PTPRK: variants seen among roughly 807,000 people sequenced by gnomAD.
PTPRK encodes protein tyrosine phosphatase receptor type K.
In PTPRK, 75 loss-of-function variants were observed where a neutral mutation model predicts 178.0. The observed-to-expected ratio is 0.42, with a 90% CI of 0.35 to 0.51. PTPRK has a LOEUF of 0.51. Ranked by LOEUF, PTPRK falls within the 20% of genes least tolerant of loss-of-function variation. The pLI is 0.02. For missense variants in PTPRK, 1,441 were observed against 1,797.8 expected (o/e 0.80, Z 3.59); for synonymous variants, 637 against 620.6 (o/e 1.03, Z -0.39).
At chr6:127,974,607 C>T (rs1351952115) in intron 27 of PTPRK, among the ~76,000 whole-genome samples, 1 of 152,168 alleles carries the variant, frequency 6.6e-6, no homozygotes, top group African/African-American at 2.4e-5. Flanking sequence ...CAACTAATTT[C>T]TATTGATTCA....
intron 1 of PTPRK, among the ~76,000 whole-genome samples, chr6:128,508,038 T>C (rs551464896): frequency 1.2e-3 from 184 of 152,276 alleles, no homozygotes; most frequent in African/African-American, 4.3e-3. Flanking sequence ...GGAATTATCC[T>C]AGGCAAGTTC....
intron 1 of PTPRK, among the ~76,000 whole-genome samples, chr6:128,495,020 T>A (rs1249536978): frequency 1.3e-5 from 2 of 152,226 alleles, no homozygotes; most frequent in African/African-American, 2.4e-5. Context: ...GACAAACCAC[T>A]AAAGAAAATA....
intron 7 of PTPRK, 96 bp downstream of exon 7, chr6:128,184,336 T>C: frequency 8.4e-7 from 1 of 1,185,214 alleles, no homozygotes; most frequent in South Asian, 1.5e-5. Flanking sequence ...GACTATATCA[T>C]ATATCAAATA....
chr6:128,341,986 C>A (rs1831724383), intron 2 of PTPRK, among the ~76,000 whole-genome samples: 1 of 152,190 alleles, frequency 6.6e-6, no homozygotes, highest in African/African-American at 2.4e-5. Context: ...GTCGCAGTGG[C>A]TCACGCCTGT....
chr6:128,002,582 T>C (rs527662399), intron 15 of PTPRK, among the ~76,000 whole-genome samples: 3 of 152,074 alleles, frequency 2.0e-5, no homozygotes, highest in Non-Finnish European at 4.4e-5. Flanking sequence ...TCATTAGTAA[T>C]AGCATTGTCT....
chr6:128,321,900 C>G, intron 3 of PTPRK, 139 bp downstream of exon 3: 1 of 1,088,748 alleles, frequency 9.2e-7, no homozygotes, highest in South Asian at 1.3e-5. Flanking sequence ...CTATGTATGA[C>G]ACTTCCCCAA....
At chr6:128,289,992 G>A (rs1348918740) in intron 3 of PTPRK, among the ~76,000 whole-genome samples, 2 of 152,082 alleles carry the variant, frequency 1.3e-5, no homozygotes, top group East Asian at 1.9e-4. Context: ...CTTGATTTGT[G>A]AAGCAGTAAC....
chr6:128,053,679 C>A (rs1779433648), intron 13 of PTPRK, among the ~76,000 whole-genome samples: 1 of 152,176 alleles, frequency 6.6e-6, no homozygotes, highest in Non-Finnish European at 1.5e-5. Context: ...GTGCCACCCA[C>A]CGTCCCCATG....
chr6:128,033,238 CT>C (rs1451975985), intron 13 of PTPRK, among the ~76,000 whole-genome samples: 1 of 152,128 alleles, frequency 6.6e-6, no homozygotes, highest in Non-Finnish European at 1.5e-5. Context: ...CAGAACTAAG[CT>C]TTTAATTTGA....
At chr6:128,127,291 C>T (rs546650287) in intron 7 of PTPRK, among the ~76,000 whole-genome samples, 2 of 152,290 alleles carry the variant, frequency 1.3e-5, no homozygotes, top group African/African-American at 4.8e-5. Flanking sequence ...TGCCTTTCTA[C>T]ATAAACTTTA....
chr6:128,395,880 G>C (rs1297952040), intron 2 of PTPRK, among the ~76,000 whole-genome samples: 1 of 152,036 alleles, frequency 6.6e-6, no homozygotes, highest in Non-Finnish European at 1.5e-5. Context: ...AGAGTAAAAA[G>C]CAAATTTAAT....
intron 3 of PTPRK, among the ~76,000 whole-genome samples, chr6:128,285,430 G>T (rs1031527862): frequency 6.6e-6 from 1 of 151,514 alleles, no homozygotes; most frequent in Non-Finnish European, 1.5e-5. Context: ...CAGAAGAATC[G>T]CTTGAACCTG....
At chr6:127,973,195 C>T (rs1443427566) in intron 28 of PTPRK, 38 bp from the exon 29 acceptor site, 1 of 1,612,222 alleles carries the variant, frequency 6.2e-7, no homozygotes, top group African/African-American at 1.3e-5. Context: ...TAGATAGCAG[C>T]ACCAAGTGAC....
chr6:128,433,147 A>C (rs1845055020), intron 1 of PTPRK, among the ~76,000 whole-genome samples: 1 of 152,222 alleles, frequency 6.6e-6, no homozygotes, highest in Non-Finnish European at 1.5e-5. Context: ...ACCTATTTTG[A>C]AATATACAAC....
At chr6:128,115,956 C>T (rs1232495843) in intron 7 of PTPRK, among the ~76,000 whole-genome samples, 1 of 152,052 alleles carries the variant, frequency 6.6e-6, no homozygotes. Flanking sequence ...CACAAGTAAA[C>T]ACCCTCTCCA....
chr6:128,452,151 C>T (rs1044878716), intron 1 of PTPRK, among the ~76,000 whole-genome samples: 4 of 152,178 alleles, frequency 2.6e-5, no homozygotes, highest in African/African-American at 9.7e-5. Context: ...TGTTCAAATG[C>T]TTCTTACAGT....
chr6:128,513,581 T>C (rs146231995), intron 1 of PTPRK, among the ~76,000 whole-genome samples: 1 of 152,106 alleles, frequency 6.6e-6, no homozygotes, highest in South Asian at 2.1e-4. Flanking sequence ...CAGGTTATCA[T>C]TAATCCTTTT....
intron 1 of PTPRK, among the ~76,000 whole-genome samples, chr6:128,506,159 A>G (rs1387194542): frequency 6.6e-6 from 1 of 152,208 alleles, no homozygotes; most frequent in Non-Finnish European, 1.5e-5. Context: ...ATTCTTAGGC[A>G]TTAAAGAGAT....
intron 2 of PTPRK, among the ~76,000 whole-genome samples, chr6:128,366,712 A>G (rs549447078): frequency 6.6e-6 from 1 of 152,280 alleles, no homozygotes; most frequent in South Asian, 2.1e-4. Context: ...TTAATAACAC[A>G]CAATGAGGAT....
Sources: gnomAD v4.1 joint callset for allele counts (sites outside exome capture counted in the v4.1 genomes callset) on GRCh38, gnomAD v4.1.1 for gene constraint, MANE v1.5 for transcripts, NCBI Gene and HGNC (gene_info 2026-07-23, HGNC 2026-07-21) for gene names.